ST8SIA1: variants seen among roughly 807,000 people sequenced by gnomAD.
ST8SIA1 encodes the protein alpha-N-acetylneuraminide alpha-2,8-sialyltransferase.
In ST8SIA1, 16 loss-of-function variants were observed where a neutral mutation model predicts 35.9. The ratio of observed to expected loss-of-function variants is 0.45; its 90% CI spans 0.30 to 0.68. The LOEUF is 0.68. Among genes scored for constraint, ST8SIA1 ranks in the 30% least tolerant of loss-of-function variants. The probability of loss-of-function intolerance (pLI) is 0.09; values close to 1 mark genes in which losing one functional copy is unlikely to be tolerated. For missense variants in ST8SIA1, 383 were observed against 453.6 expected (o/e 0.84, Z 1.41); for synonymous variants, 170 against 169.6 (o/e 1.00, Z -0.02).
At chr12:22,235,434 T>G (rs1028874571) in intron 4 of ST8SIA1, among the ~76,000 whole-genome samples, 8 of 152,184 alleles carry the variant, frequency 5.3e-5, no homozygotes, top group Non-Finnish European at 8.8e-5. Context: ...AATAGAAATA[T>G]TCACATACTA....
chr12:22,215,077 T>C (rs940668587), intron 4 of ST8SIA1, among the ~76,000 whole-genome samples: 1 of 152,178 alleles, frequency 6.6e-6, no homozygotes, highest in African/African-American at 2.4e-5. Context: ...CTGCAGGACC[T>C]GGTCCACATC....
At chr12:22,304,808 C>T (rs575428029) in intron 1 of ST8SIA1, among the ~76,000 whole-genome samples, 4 of 152,320 alleles carry the variant, frequency 2.6e-5, no homozygotes, top group African/African-American at 7.2e-5. Flanking sequence ...AGCTCAGATC[C>T]AGTTAAAAGA....
At chr12:22,204,630 C>A (rs1365216829) in intron 4 of ST8SIA1, among the ~76,000 whole-genome samples, 1 of 152,104 alleles carries the variant, frequency 6.6e-6, no homozygotes, top group Admixed American at 6.6e-5. Flanking sequence ...TTTTGTGTTT[C>A]CTGTCTTAAA....
chr12:22,313,461 G>A (rs546894156), intron 1 of ST8SIA1, among the ~76,000 whole-genome samples: 2 of 152,246 alleles, frequency 1.3e-5, no homozygotes, highest in South Asian at 4.1e-4. Context: ...CAGAAACCAT[G>A]AGGCATAGAA....
At chr12:22,325,077 A>C (rs1866657719) in intron 1 of ST8SIA1, 1 of 189,710 alleles carries the variant, frequency 5.3e-6, no homozygotes, top group Middle Eastern at 1.9e-3. Flanking sequence ...CGAGTGAGGG[A>C]ATTTCAGCAG....
intron 4 of ST8SIA1, among the ~76,000 whole-genome samples, chr12:22,232,707 C>T (rs373815957): frequency 1.3e-5 from 2 of 151,976 alleles, no homozygotes; most frequent in South Asian, 2.1e-4. Flanking sequence ...GACATGGTGG[C>T]GCATGCCTGT....
chr12:22,293,660 C>T (rs1014848463), intron 1 of ST8SIA1, among the ~76,000 whole-genome samples: 3 of 152,258 alleles, frequency 2.0e-5, no homozygotes, highest in African/African-American at 7.2e-5. Context: ...ATTATATAGC[C>T]TCAGTAAGTA....
chr12:22,299,573 A>T (rs182556432), intron 1 of ST8SIA1, among the ~76,000 whole-genome samples: 9 of 152,256 alleles, frequency 5.9e-5, no homozygotes, highest in Middle Eastern at 3.4e-3. Flanking sequence ...TATTAAAAAA[A>T]TTTTTATATG....
At chr12:22,302,188 T>A in intron 1 of ST8SIA1, among the ~76,000 whole-genome samples, 1 of 152,076 alleles carries the variant, frequency 6.6e-6, no homozygotes, top group Admixed American at 6.6e-5. Flanking sequence ...GAATTCTAAT[T>A]TTTCCTGGCT....
Position 22,197,944 on chromosome 12 carries a change from T to A in ST8SIA1, c.*3608A>T, listed in dbSNP as rs977586264. The stretch of plus-strand genomic sequence containing the variant: ...TTTAGATGTGCAATTTTGTATAAAC[T>A]TTTGGCAAAATCCTCTATACAAAGC... On this transcript the variant is annotated 3_prime_UTR_variant, in exon 5 of 5. Transcript: ENST00000396037. 3 of 152,182 alleles carry A rather than the reference T, an allele frequency of 2.0e-5. No individual in the cohort carries two copies. Among genetic ancestry groups the A allele is most frequent in the African/African-American group, 7.2e-5 (3 of 41,454 alleles). 9.4% of individuals were successfully genotyped at this position (152,182 alleles called of 1,614,324 possible).
chr12:22,198,311 G>A lies in ST8SIA1; in HGVS notation c.*3241C>T, dbSNP rs540207021. On this transcript the variant is annotated 3_prime_UTR_variant, in exon 5 of 5. Coordinates refer to ENST00000396037, the MANE Select transcript of ST8SIA1 (RefSeq NM_003034.4). Reference sequence around the variant, plus strand: ...CTTCTAAGCTGAATTTTAAGAGTCAGTTATATCAAAATGTAACTGATCAAA... The same window carrying A: ...CTTCTAAGCTGAATTTTAAGAGTCAATTATATCAAAATGTAACTGATCAAA... 53 of 152,178 alleles carry A rather than the reference G, an allele frequency of 3.5e-4. No individual in the cohort carries two copies. The highest frequency in any genetic ancestry group is 1.2e-3 in the African/African-American group (49 of 41,536). The allele number at this position is 152,178 out of a possible 1,614,324, so 9.4% of individuals were successfully genotyped here.
chr12:22,215,024 C>A (rs1305541962), intron 4 of ST8SIA1, among the ~76,000 whole-genome samples: 2 of 152,132 alleles, frequency 1.3e-5, no homozygotes, highest in Non-Finnish European at 2.9e-5. Context: ...GCCCTCCTGT[C>A]CTGTGAATTC....
chr12:22,226,917 T>C (rs1865365653), intron 4 of ST8SIA1, among the ~76,000 whole-genome samples: 1 of 152,128 alleles, frequency 6.6e-6, no homozygotes, highest in African/African-American at 2.4e-5. Flanking sequence ...TATGCGTGTT[T>C]TTCCTCTGAG....
At chr12:22,255,201 T>G in intron 3 of ST8SIA1, 79 bp downstream of exon 3, 1 of 1,169,988 alleles carries the variant, frequency 8.5e-7, no homozygotes, top group South Asian at 1.2e-5. Flanking sequence ...GTGACTAGTT[T>G]TGAAAAGCCC....
intron 3 of ST8SIA1, among the ~76,000 whole-genome samples, chr12:22,253,913 T>C (rs1458032246): frequency 6.6e-6 from 1 of 152,188 alleles, no homozygotes; most frequent in Non-Finnish European, 1.5e-5. Context: ...TGGCTTCTCT[T>C]GAAACTCTCT....
chr12:22,246,372 T>A (rs1865602051), intron 4 of ST8SIA1, among the ~76,000 whole-genome samples: 1 of 152,242 alleles, frequency 6.6e-6, no homozygotes, highest in Non-Finnish European at 1.5e-5. Context: ...TGTCTCCTTG[T>A]GCGACACATG....
chr12:22,205,478 T>C (rs1865096862), intron 4 of ST8SIA1, among the ~76,000 whole-genome samples: 1 of 152,100 alleles, frequency 6.6e-6, no homozygotes, highest in African/African-American at 2.4e-5. Flanking sequence ...ATTGAATACA[T>C]GATAATGGGG....
rs1192036371 is a variant in ST8SIA1 at position 22,201,062 on chromosome 12, A to C, written c.*490T>G. 6.6e-6 allele frequency: 1 copy of C among 152,228 alleles called. No individual in the cohort carries two copies. Among genetic ancestry groups the C allele is most frequent in the African/African-American group, 2.4e-5 (1 of 41,428 alleles). 9.4% of individuals were successfully genotyped at this position (152,228 alleles called of 1,614,324 possible). On this transcript the variant is annotated 3_prime_UTR_variant, in exon 5 of 5. Transcript: ENST00000396037. ...AGGGATTTTTTAAATCTACCCACCC[A>C]CTTCCCCAAAGAGGGCAAAAATAAA...
chr12:22,250,772 G>C (rs1479484000), intron 3 of ST8SIA1: 1 of 152,210 alleles, frequency 6.6e-6, no homozygotes, highest in Non-Finnish European at 1.5e-5. Flanking sequence ...GCAGAAACTT[G>C]TCTCAGTTGA....
Sources: allele counts gnomAD v4.1 joint callset (sites outside exome capture counted in the v4.1 genomes callset), GRCh38; gene constraint gnomAD v4.1.1; transcripts MANE v1.5; gene names NCBI Gene and HGNC (gene_info 2026-07-23, HGNC 2026-07-21).